EXOC4: variants seen among roughly 807,000 people sequenced by gnomAD.
EXOC4 encodes SEC8-like 1.
EXOC4 carries 71 observed loss-of-function variants against 107.2 expected under a neutral mutation model. That is an observed-to-expected ratio of 0.66 (90% CI 0.55 to 0.81). The LOEUF is 0.81. Ranked by LOEUF, EXOC4 falls within the 30% of genes least tolerant of loss-of-function variation. EXOC4 has a pLI of 0.00. For missense variants in EXOC4, 1,108 were observed against 1,189.6 expected, an observed-to-expected ratio of 0.93 and a Z score of 1.01; for synonymous variants, 456 against 441.2, an observed-to-expected ratio of 1.03 and a Z score of -0.42.
chr7:133,448,455 G>A (rs1798267395), intron 7 of EXOC4, among the ~76,000 whole-genome samples: 1 of 151,906 alleles, frequency 6.6e-6, no homozygotes, highest in Non-Finnish European at 1.5e-5. Flanking sequence ...ACACCACCAT[G>A]CCTGTCTAAT....
chr7:133,844,982 T>C (rs550872765), intron 11 of EXOC4, among the ~76,000 whole-genome samples: 12 of 152,280 alleles, frequency 7.9e-5, no homozygotes, highest in African/African-American at 2.9e-4. Context: ...TGAAAGGGCC[T>C]TTGATTAACT....
At chr7:133,544,695 A>G (rs1198266014) in intron 9 of EXOC4, among the ~76,000 whole-genome samples, 1 of 151,030 alleles carries the variant, frequency 6.6e-6, no homozygotes, top group Non-Finnish European at 1.5e-5. Context: ...ATATTTTGTC[A>G]AATGTGATTT....
chr7:133,853,919 CAG>C (rs1025242553), intron 11 of EXOC4, among the ~76,000 whole-genome samples: 6 of 152,272 alleles, frequency 3.9e-5, no homozygotes, highest in Non-Finnish European at 7.4e-5. Context: ...TTTGTGGGCA[CAG>C]AGTATTCACG....
At chr7:133,669,555 AAC>A (rs1382245295) in intron 10 of EXOC4, among the ~76,000 whole-genome samples, 4 of 144,612 alleles carry the variant, frequency 2.8e-5, no homozygotes, top group Non-Finnish European at 6.0e-5. Flanking sequence ...ATAATATTCA[AAC>A]ACAGCAGTGA....
intron 17 of EXOC4, among the ~76,000 whole-genome samples, chr7:134,028,395 G>A (rs926335701): frequency 1.3e-5 from 2 of 152,150 alleles, no homozygotes; most frequent in African/African-American, 4.8e-5. Flanking sequence ...TTTTCGTAAG[G>A]AAATTAAAGT....
chr7:133,954,948 G>T (rs1020553763), intron 14 of EXOC4, among the ~76,000 whole-genome samples: 1 of 152,366 alleles, frequency 6.6e-6, no homozygotes, highest in South Asian at 2.1e-4. Flanking sequence ...CAGGGAACAC[G>T]GTGGTACACG....
At chr7:133,465,010 G>A (rs1364251164) in intron 7 of EXOC4, among the ~76,000 whole-genome samples, 4 of 151,258 alleles carry the variant, frequency 2.6e-5, no homozygotes, top group Non-Finnish European at 4.4e-5. Context: ...GTAGAGACAC[G>A]GCCTCACTGC....
In EXOC4 at chr7:133,753,671, C is replaced by G. The variant is rs1302423885; in HGVS notation, c.1515-63654C>G. Reference sequence around the variant, plus strand: ...AGCACATTCCTGCCTGAGGAGTCAACCTGCAGAAAGCATAGAATTGGAAAG... The same window carrying G: ...AGCACATTCCTGCCTGAGGAGTCAAGCTGCAGAAAGCATAGAATTGGAAAG... On this transcript the variant is annotated intron_variant, in intron 10 of 17. Coordinates refer to ENST00000253861, the MANE Select transcript of EXOC4 (RefSeq NM_021807.4). 3.3e-5 allele frequency among the ~76,000 whole-genome samples: 5 copies of G among 152,200 alleles called. No individual in the cohort carries two copies. The East Asian group carries it at 7.7e-4, about 23-fold the overall frequency.
At chr7:133,486,722 G>A (rs1471704287) in intron 9 of EXOC4, among the ~76,000 whole-genome samples, 1 of 151,938 alleles carries the variant, frequency 6.6e-6, no homozygotes, top group Non-Finnish European at 1.5e-5. Flanking sequence ...CTAAAATAGT[G>A]TTTAAAAATT....
intron 9 of EXOC4, among the ~76,000 whole-genome samples, chr7:133,571,624 A>T (rs1423875859): frequency 1.3e-5 from 2 of 151,800 alleles, no homozygotes; most frequent in African/African-American, 4.8e-5. Flanking sequence ...GCAGTGAGCC[A>T]AGATGGCACC....
intron 5 of EXOC4, among the ~76,000 whole-genome samples, chr7:133,323,274 A>G (rs960581663): frequency 5.9e-5 from 9 of 152,152 alleles, no homozygotes; most frequent in African/African-American, 1.7e-4. Flanking sequence ...GAGAGAGGGC[A>G]TCGTTTTCTT....
intron 11 of EXOC4, among the ~76,000 whole-genome samples, chr7:133,845,396 A>G (rs768791961): frequency 6.1e-5 from 9 of 147,324 alleles, no homozygotes; most frequent in Non-Finnish European, 1.2e-4. Context: ...TATAATATAC[A>G]TATTATACTA....
chr7:133,537,551 A>G (rs1293323687), intron 9 of EXOC4, among the ~76,000 whole-genome samples: 1 of 152,042 alleles, frequency 6.6e-6, no homozygotes, highest in Non-Finnish European at 1.5e-5. Flanking sequence ...CCTGTACTCT[A>G]TTTTGTTCAT....
At chr7:134,061,147 A>G (rs999829986) in intron 17 of EXOC4, among the ~76,000 whole-genome samples, 1 of 152,236 alleles carries the variant, frequency 6.6e-6, no homozygotes, top group African/African-American at 2.4e-5. Flanking sequence ...GCGTGGAACA[A>G]TGGCCTCTGT....
chr7:133,514,250 C>T (rs1799830241), intron 9 of EXOC4, among the ~76,000 whole-genome samples: 2 of 151,958 alleles, frequency 1.3e-5, no homozygotes, highest in Admixed American at 1.3e-4. Context: ...CTGCAGCCTC[C>T]ACCTCCCCGG....
chr7:133,558,630 A>T (rs552768370), intron 9 of EXOC4, among the ~76,000 whole-genome samples: 271 of 152,116 alleles, frequency 1.8e-3, no homozygotes, highest in Middle Eastern at 0.014. Flanking sequence ...TATTTTTTTT[A>T]ATTTTAAACA....
At chr7:133,925,968 G>A (rs1800041067) in intron 13 of EXOC4, among the ~76,000 whole-genome samples, 1 of 151,274 alleles carries the variant, frequency 6.6e-6, no homozygotes, top group Admixed American at 6.6e-5. Context: ...GAACCCAGGA[G>A]GCGGAAGTTG....
intron 10 of EXOC4, among the ~76,000 whole-genome samples, chr7:133,665,851 G>T (rs1793801384): frequency 6.6e-6 from 1 of 152,078 alleles, no homozygotes; most frequent in Non-Finnish European, 1.5e-5. Flanking sequence ...TCATTTTCAA[G>T]CTAGATTCTG....
intron 10 of EXOC4, among the ~76,000 whole-genome samples, chr7:133,753,535 A>G (rs1795836644): frequency 6.6e-6 from 1 of 152,262 alleles, no homozygotes. Context: ...CTACAGAGAT[A>G]TACTGAAGAC....
Sources: gnomAD v4.1 joint callset for allele counts (sites outside exome capture counted in the v4.1 genomes callset) on GRCh38, gnomAD v4.1.1 for gene constraint, MANE v1.5 for transcripts, NCBI Gene and HGNC (gene_info 2026-07-23, HGNC 2026-07-21) for gene names.